The following MCUB variants were observed in gnomAD, a reference collection of about 807,000 sequenced individuals.
MCUB encodes the protein mitochondrial calcium uniporter dominant negative subunit beta, also known as calcium uniporter regulatory subunit MCUb, mitochondrial.
In MCUB, 46 loss-of-function variants were observed where a neutral mutation model predicts 41.4. The ratio of observed to expected loss-of-function variants is 1.11; its 90% confidence interval spans 0.88 to 1.42. MCUB has a LOEUF of 1.42. Among genes scored for constraint, MCUB ranks in the 40% most tolerant of loss-of-function variants. The pLI, the probability that MCUB is intolerant of heterozygous loss-of-function variation, is 0.00. For missense variants in MCUB, 403 were observed against 404.9 expected (o/e 1.00, Z 0.04); for synonymous variants, 148 against 148.2 (o/e 1.00, Z 0.01).
chr4:109,659,171 A>G, intron 2 of MCUB, 85 bp downstream of exon 2: 2 of 856,230 alleles, frequency 2.3e-6, no homozygotes, highest in Non-Finnish European at 1.9e-6. Flanking sequence ...TTTGAGCAGA[A>G]TAGACTTTTC....
chr4:109,623,834 C>A (rs185781514), intron 1 of MCUB, among the ~76,000 whole-genome samples: 1 of 152,080 alleles, frequency 6.6e-6, no homozygotes, highest in Admixed American at 6.6e-5. Context: ...AAGCAAAAAA[C>A]GACTTCATTC....
intron 1 of MCUB, among the ~76,000 whole-genome samples, chr4:109,597,452 GC>G (rs1727590873): frequency 6.9e-6 from 1 of 144,064 alleles, no homozygotes; most frequent in Non-Finnish European, 1.6e-5. Flanking sequence ...GGCTGGCCGG[GC>G]GGGGGGCTGA....
In MCUB at chr4:109,684,910, T is replaced by TAA. The variant is rs35776161; in HGVS notation, c.816+271_816+272dup. The TAA allele has an allele frequency of 4.2e-4, 158 of 378,494 alleles. 2 individuals are homozygous for TAA. Among genetic ancestry groups the TAA allele is most frequent in the Admixed American group, 3.4e-3 (81 of 23,860 alleles). 23.4% of individuals were successfully genotyped at this position (378,494 alleles called of 1,614,324 possible). A position where few individuals can be genotyped will look rare whatever the true frequency, so the allele number is the denominator to read the frequency against. Reference sequence around the variant, plus strand: ...TATGTGTTCTCTGTGCCCTCATTTATAAAAAAAACTGAATTTGCATTGCAA... The same window carrying TAA: ...TATGTGTTCTCTGTGCCCTCATTTATAAAAAAAAAACTGAATTTGCATTGCAA... On this transcript the variant is annotated intron_variant, in intron 6 of 7. Coordinates refer to ENST00000394650, the MANE Select transcript of MCUB (RefSeq NM_017918.5).
chr4:109,646,683 TC>T (rs765527648), intron 1 of MCUB, among the ~76,000 whole-genome samples: 29 of 152,174 alleles, frequency 1.9e-4, no homozygotes, highest in Non-Finnish European at 3.1e-4. Context: ...CTCATCTCAC[TC>T]CCCGCTCCTC....
chr4:109,615,272 T>C lies in MCUB; in HGVS notation c.100-43739T>C, dbSNP rs78512683. ...CATCTTTCTTTACCCATATTGCAGA[T>C]GTCAGCCCCCGGGATTATATCTTCC... On this transcript the variant is annotated intron_variant, in intron 1 of 7. Transcript: ENST00000394650. 7.5e-3 allele frequency among the ~76,000 whole-genome samples: 1,149 copies of C among 152,254 alleles called. 12 individuals carry two copies. Among genetic ancestry groups the C allele is most frequent in the African/African-American group, 0.026 (1,091 of 41,536 alleles).
chr4:109,655,140 A>G (rs1180840812), intron 1 of MCUB, among the ~76,000 whole-genome samples: 1 of 152,216 alleles, frequency 6.6e-6, no homozygotes, highest in Non-Finnish European at 1.5e-5. Context: ...CTGGTTTATT[A>G]TAAGGATATT....
rs1287556553 is a variant in MCUB at position 109,685,366 on chromosome 4, A to G, written c.932A>G (p.Lys311Arg). ...QYNKLKEDLA[K>R]AKESLKQARH... ...AACAAGTTAAAAGAAGACCTTGCTA[A>G]GGTATACTACAAATACATCTTATAG... Residue 311 changes from lysine to arginine, a missense_variant and splice_region_variant, in exon 7 of 8, where the codon AAG (lysine) becomes AGG (arginine). Physicochemically the swap from Lys to Arg is conservative, Grantham distance 26. Coordinates refer to ENST00000394650, the MANE Select transcript of MCUB (RefSeq NM_017918.5). 7.5e-7 allele frequency: 1 copy of G among 1,330,932 alleles called. No homozygotes were observed. Among genetic ancestry groups the G allele is most frequent in the East Asian group, 2.3e-5 (1 of 43,518 alleles). 82.4% of individuals were successfully genotyped at this position (1,330,932 alleles called of 1,614,324 possible).
At chr4:109,679,001 C>T (rs1005647483) in intron 4 of MCUB, among the ~76,000 whole-genome samples, 6 of 149,768 alleles carry the variant, frequency 4.0e-5, no homozygotes, top group African/African-American at 1.2e-4. Context: ...ACAGTCCTCA[C>T]TTCCTAGATG....
At chr4:109,606,666 A>G (rs1729428681) in intron 1 of MCUB, among the ~76,000 whole-genome samples, 1 of 152,038 alleles carries the variant, frequency 6.6e-6, no homozygotes, top group South Asian at 2.1e-4. Flanking sequence ...AAAACTCTAT[A>G]CTTCAGTGTC....
intron 1 of MCUB, among the ~76,000 whole-genome samples, chr4:109,622,073 A>G (rs1228838014): frequency 1.3e-5 from 2 of 150,838 alleles, no homozygotes; most frequent in Non-Finnish European, 3.0e-5. Flanking sequence ...GTAGAGAGGG[A>G]GTTTCACCAT....
intron 1 of MCUB, among the ~76,000 whole-genome samples, chr4:109,640,203 CGGGA>C (rs1728684617): frequency 6.6e-6 from 1 of 151,958 alleles, no homozygotes; most frequent in South Asian, 2.1e-4. Flanking sequence ...ATCGCAAGGG[CGGGA>C]GGGTGTATTG....
chr4:109,613,999 C>T (rs114296681), intron 1 of MCUB, among the ~76,000 whole-genome samples: 2 of 152,300 alleles, frequency 1.3e-5, no homozygotes, highest in African/African-American at 2.4e-5. Flanking sequence ...GAGTTTACAT[C>T]TGTATACTTT....
At chr4:109,684,069 T>TC (rs1420205613) in intron 5 of MCUB, among the ~76,000 whole-genome samples, 1 of 150,706 alleles carries the variant, frequency 6.6e-6, no homozygotes, top group Non-Finnish European at 1.5e-5. Flanking sequence ...TCTTTTCTTT[T>TC]TTTTTTTTTT....
At chr4:109,623,132 C>T (rs927413636) in intron 1 of MCUB, among the ~76,000 whole-genome samples, 1 of 152,160 alleles carries the variant, frequency 6.6e-6, no homozygotes, top group Non-Finnish European at 1.5e-5. Flanking sequence ...CTTTCACGAT[C>T]CATGATCCTC....
chr4:109,575,237 C>T (rs189813720), intron 1 of MCUB, among the ~76,000 whole-genome samples: 57 of 152,276 alleles, frequency 3.7e-4, no homozygotes, highest in Non-Finnish European at 5.3e-4. Context: ...TTGTTCTGCC[C>T]GCTCCTTACC....
chr4:109,680,488 T>A (rs765149788), intron 4 of MCUB, among the ~76,000 whole-genome samples: 14 of 149,486 alleles, frequency 9.4e-5, no homozygotes, highest in African/African-American at 1.8e-4. Flanking sequence ...TTACCCTTGC[T>A]GTTTTAGTGC....
At chr4:109,614,618 G>A (rs1728087128) in intron 1 of MCUB, among the ~76,000 whole-genome samples, 1 of 149,994 alleles carries the variant, frequency 6.7e-6, no homozygotes, top group South Asian at 2.2e-4. Context: ...CACTTAGTCT[G>A]TGGTTTTCTG....
chr4:109,575,823 TA>T (rs1397271670), intron 1 of MCUB, among the ~76,000 whole-genome samples: 1 of 152,238 alleles, frequency 6.6e-6, no homozygotes, highest in Non-Finnish European at 1.5e-5. Context: ...AATATTATAA[TA>T]GCATAGTAAT....
At chr4:109,648,424 T>G in intron 1 of MCUB, 1 of 275,012 alleles carries the variant, frequency 3.6e-6, no homozygotes, top group African/African-American at 2.2e-5. Flanking sequence ...TATGTATGTA[T>G]TCTGTTTCTG....
Sources: gnomAD v4.1 joint callset for allele counts (sites outside exome capture counted in the v4.1 genomes callset) on GRCh38, gnomAD v4.1.1 for gene constraint, MANE v1.5 for transcripts, NCBI Gene and HGNC (gene_info 2026-07-23, HGNC 2026-07-21) for gene names.